The following ZFYVE9 variants were observed in gnomAD, a reference collection of about 807,000 sequenced individuals.
ZFYVE9 encodes zinc finger FYVE domain-containing protein 9.
ZFYVE9 carries 43 observed loss-of-function variants against 126.7 expected under a neutral mutation model. That is an observed-to-expected ratio of 0.34 (90% CI 0.27 to 0.44). The LOEUF is 0.44. Among genes scored for constraint, ZFYVE9 ranks in the 20% least tolerant of loss-of-function variants. ZFYVE9 has a pLI of 1.00. For synonymous variants in ZFYVE9, 521 were observed against 597.4 expected (o/e 0.87, Z 1.87); for missense variants, 1,476 against 1,697.0 (o/e 0.87, Z 2.29).
chr1:52,254,123 A>T, intron 4 of ZFYVE9: 1 of 749,298 alleles, frequency 1.3e-6, no homozygotes, highest in South Asian at 1.6e-5. Flanking sequence ...AGAGAGCGCC[A>T]TTGGTAAATT....
At chr1:52,296,640 C>T (rs796514245) in intron 12 of ZFYVE9, among the ~76,000 whole-genome samples, 23 of 151,922 alleles carry the variant, frequency 1.5e-4, no homozygotes, top group African/African-American at 4.1e-4. Context: ...ATATTTGGAC[C>T]GTTTATGAAG....
rs1646389375 is a variant in ZFYVE9 at position 52,336,371 on chromosome 1, T to G, written c.3671-1401T>G. 3.6e-5 allele frequency among the ~76,000 whole-genome samples: 5 copies of G among 138,062 alleles called. 1 individual carries two copies. Among genetic ancestry groups the G allele is most frequent in the East Asian group, 2.0e-4 (1 of 5,032 alleles). 90.6% of individuals were successfully genotyped at this position (138,062 alleles called of 152,430 possible). A position where few individuals can be genotyped will look rare whatever the true frequency, so the allele number is the denominator to read the frequency against. ...TGAAATCTAAGAGGTTTTTTTTGTT[T>G]TTTTTTTTTTTTTTTTAAGATGGAG... On this transcript the variant is annotated intron_variant, in intron 15 of 18. Coordinates refer to ENST00000287727, the MANE Select transcript of ZFYVE9 (RefSeq NM_004799.4).
intron 4 of ZFYVE9, among the ~76,000 whole-genome samples, chr1:52,240,859 A>C (rs1257518579): frequency 2.6e-5 from 4 of 152,128 alleles, no homozygotes; most frequent in Non-Finnish European, 5.9e-5. Flanking sequence ...GGCAAAGGGG[A>C]CTGGGATTAT....
chr1:52,219,748 TTTGTGTGTGTGTG>T (rs1645105266), intron 2 of ZFYVE9, among the ~76,000 whole-genome samples: 1 of 134,138 alleles, frequency 7.5e-6, no homozygotes, highest in Non-Finnish European at 1.6e-5. Context: ...GCCAAGATCT[TTTGTGTGTGTGTG>T]TGTGTGTGTG....
intron 15 of ZFYVE9, 68 bp downstream of exon 15, chr1:52,334,836 A>G (rs746728659): frequency 1.1e-4 from 158 of 1,456,548 alleles, no homozygotes; most frequent in Non-Finnish European, 1.4e-4. Flanking sequence ...AATCCTTTAC[A>G]CTTCTGCTGT....
intron 4 of ZFYVE9, among the ~76,000 whole-genome samples, chr1:52,250,440 G>A (rs1449442910): frequency 6.6e-6 from 1 of 152,078 alleles, no homozygotes; most frequent in East Asian, 1.9e-4. Flanking sequence ...ATGTAGAAAT[G>A]CAATGGACTT....
chr1:52,150,430 A>G (rs775167512), intron 1 of ZFYVE9: 1 of 151,738 alleles, frequency 6.6e-6, no homozygotes, highest in African/African-American at 2.4e-5. Flanking sequence ...AAATAGATAG[A>G]TAGATAGATG....
intron 1 of ZFYVE9, among the ~76,000 whole-genome samples, chr1:52,211,410 A>G (rs1645027498): frequency 6.6e-6 from 1 of 152,222 alleles, no homozygotes; most frequent in Admixed American, 6.5e-5. Context: ...ACAATCTGCC[A>G]TCCCTACCTG....
chr1:52,172,241 C>T (rs1048085204), intron 1 of ZFYVE9, among the ~76,000 whole-genome samples: 1 of 152,156 alleles, frequency 6.6e-6, no homozygotes. Flanking sequence ...TTCCCAGCAC[C>T]ATTTATTAAA....
At position 52,278,606 on chromosome 1, in the gene ZFYVE9, T is replaced by C. The variant is rs766282581; in HGVS notation, c.2861T>C (p.Ile954Thr). 1.9e-6 allele frequency: 3 copies of C among 1,566,320 alleles called. No homozygotes were observed. Among genetic ancestry groups the C allele is most frequent in the Non-Finnish European group, 2.6e-6 (3 of 1,148,588 alleles). ...LNANLLSMVK[I>T]VNYVNRKCWC... ...GCAAATTTGTTGTCAATGGTTAAAA[T>C]TGTAAATTGTAAGTTATAAATTTTT... is the stretch of plus-strand genomic sequence containing the variant. The change falls in exon 9 of 19, where the codon ATT becomes ACT. Residue 954 changes from isoleucine (I) to threonine (T), a missense_variant. Physicochemically the swap from Ile to Thr is moderately conservative, Grantham distance 89. Transcript: ENST00000287727.
At position 52,346,061 on chromosome 1, in the gene ZFYVE9, T is replaced by C. The variant is rs1245480327; in HGVS notation, c.4118T>C (p.Val1373Ala). 6.3e-7 allele frequency: 1 copy of C among 1,597,750 alleles called. No homozygotes were observed. The highest frequency in any genetic ancestry group is 8.6e-7 in the Non-Finnish European group (1 of 1,169,312). ...GLRVTLDSDQ[V>A]GYQAGSNGQP... is the part of the protein sequence containing the mutation. ...CCTCCTTTTCTCTCTGTGGTATAGG[T>C]TGGCTATCAAGCAGGGAGCAATGGC... Residue 1373 changes from valine (V) to alanine (A), a missense_variant and splice_region_variant, in exon 19 of 19, where the codon GTT becomes GCT. Coordinates refer to ENST00000287727, the MANE Select transcript of ZFYVE9 (RefSeq NM_004799.4).
chr1:52,263,486 A>G (rs1433619553), intron 4 of ZFYVE9, among the ~76,000 whole-genome samples: 1 of 152,178 alleles, frequency 6.6e-6, no homozygotes, highest in Non-Finnish European at 1.5e-5. Context: ...AATCTTGCCT[A>G]GGGGTAATTC....
At position 52,233,219 on chromosome 1, in the gene ZFYVE9, T is replaced by A; in HGVS notation, c.13T>A (p.Phe5Ile). 6.3e-7 allele frequency: 1 copy of A among 1,581,910 alleles called. No individual in the cohort carries two copies. The highest frequency in any genetic ancestry group is 8.6e-7 in the Non-Finnish European group (1 of 1,161,338). MENY[F>I]QAEAYNLDKV... ...TGTTTCCTCACCGATGGAGAATTAC[T>A]TCCAAGCAGAAGCTTACAACCTGGA... Residue 5 changes from phenylalanine (F) to isoleucine (I), a missense_variant, in exon 3 of 19, where the codon TTC (phenylalanine) becomes ATC (isoleucine). Phe to Ile is a conservative substitution (Grantham distance 21). Around this residue, in one of 2 missense-constraint regions of ZFYVE9, gnomAD observed 807 missense variants for 794.6 expected, o/e 1.02. Coordinates refer to ENST00000287727, the MANE Select transcript of ZFYVE9 (RefSeq NM_004799.4).
chr1:52,269,654 T>C (rs1394376394), intron 7 of ZFYVE9, among the ~76,000 whole-genome samples: 1 of 152,206 alleles, frequency 6.6e-6, no homozygotes, highest in African/African-American at 2.4e-5. Context: ...CTTCAAATAT[T>C]TCTAGTTTTT....
At chr1:52,278,652 T>G in intron 9 of ZFYVE9, 38 bp downstream of exon 9, 1 of 1,370,062 alleles carries the variant, frequency 7.3e-7, no homozygotes, top group South Asian at 1.4e-5. Flanking sequence ...ATCAGATGTT[T>G]TACTGACTCA....
chr1:52,303,689 A>T lies in ZFYVE9; in HGVS notation c.3334-132A>T, dbSNP rs1433001184. The T allele has an allele frequency of 9.8e-6, 5 of 511,388 alleles. No homozygotes were observed. The East Asian group carries it at 1.8e-4, about 18-fold the overall frequency. The allele number at this position is 511,388 out of a possible 1,614,324, so 31.7% of individuals were successfully genotyped here. A position where few individuals can be genotyped will look rare whatever the true frequency, so the allele number is the denominator to read the frequency against. The stretch of plus-strand genomic sequence containing the variant: ...ACATATAGTGGGGCTTTCATTATAC[A>T]TTTCCTTATTATTTAAATAAATAGG... On this transcript the variant is annotated intron_variant, in intron 12 of 18. Transcript: ENST00000287727.
chr1:52,326,503 TA>T (rs1319102567), intron 13 of ZFYVE9, among the ~76,000 whole-genome samples: 5 of 134,512 alleles, frequency 3.7e-5, no homozygotes, highest in African/African-American at 1.3e-4. Context: ...AGAGGTTAAG[TA>T]AGTTTACCAA....
At chr1:52,308,326 G>A (rs919003368) in intron 13 of ZFYVE9, among the ~76,000 whole-genome samples, 4 of 151,984 alleles carry the variant, frequency 2.6e-5, no homozygotes, top group Non-Finnish European at 5.9e-5. Context: ...GACTACAGGC[G>A]TGTACCATCA....
At position 52,305,938 on chromosome 1, in the gene ZFYVE9, G is replaced by A. The variant is rs574756417; in HGVS notation, c.3438+2013G>A. On this transcript the variant is annotated intron_variant, in intron 13 of 18. Coordinates refer to ENST00000287727, the MANE Select transcript of ZFYVE9 (RefSeq NM_004799.4). The stretch of plus-strand genomic sequence containing the variant: ...GGACTTTGGGCACTGACAAACATAG[G>A]AAGTAAGCTGATGGGGGATGTGTGC... Among the ~76,000 whole-genome samples, 10 of 152,308 alleles carry A rather than the reference G, an allele frequency of 6.6e-5. No individual in the cohort carries two copies. The South Asian group carries it at 2.1e-3, about 32-fold the overall frequency.
Sources: gnomAD v4.1 joint callset for allele counts (sites outside exome capture counted in the v4.1 genomes callset) on GRCh38, gnomAD v4.1.1 for gene constraint, gnomAD v4.1.1 regional missense constraint, MANE v1.5 for transcripts, NCBI Gene and HGNC (gene_info 2026-07-23, HGNC 2026-07-21) for gene names.